RORA: variants seen among roughly 807,000 people sequenced by gnomAD.
RORA encodes RAR related orphan receptor A.
RORA carries 7 observed loss-of-function variants against 69.5 expected under a neutral mutation model. The ratio of observed to expected loss-of-function variants is 0.10; its 90% CI spans 0.06 to 0.19. The LOEUF is 0.19. Ranked by LOEUF, RORA falls within the 10% of genes least tolerant of loss-of-function variation. The pLI, the probability that RORA is intolerant of heterozygous loss-of-function variation, is 1.00. For missense variants in RORA, 457 were observed against 663.0 expected, an observed-to-expected ratio of 0.69 and a Z score of 3.41; for synonymous variants, 261 against 240.8, an observed-to-expected ratio of 1.08 and a Z score of -0.78.
intron 1 of RORA, among the ~76,000 whole-genome samples, chr15:60,929,304 T>C (rs1351107759): frequency 2.6e-5 from 4 of 152,188 alleles, no homozygotes; most frequent in African/African-American, 9.7e-5. Context: ...TCAAAATTTA[T>C]CTTTCACAGG....
chr15:60,675,071 G>C (rs577121981), intron 2 of RORA, among the ~76,000 whole-genome samples: 1 of 152,280 alleles, frequency 6.6e-6, no homozygotes, highest in East Asian at 1.9e-4. Context: ...TAGCTGGAAA[G>C]AGCTAGGATG....
intron 2 of RORA, among the ~76,000 whole-genome samples, chr15:60,604,251 A>C (rs911095237): frequency 1.3e-5 from 2 of 152,140 alleles, no homozygotes; most frequent in African/African-American, 4.8e-5. Flanking sequence ...CATCACCTCA[A>C]TGGACCTCAG....
chr15:60,982,911 CTTG>C (rs1425312834), intron 1 of RORA, among the ~76,000 whole-genome samples: 1 of 152,004 alleles, frequency 6.6e-6, no homozygotes, highest in Non-Finnish European at 1.5e-5. Context: ...TCTGACATTA[CTTG>C]TTGTTTTGTT....
At chr15:61,094,417 C>G (rs758330461) in intron 1 of RORA, among the ~76,000 whole-genome samples, 1 of 152,144 alleles carries the variant, frequency 6.6e-6, no homozygotes, top group Non-Finnish European at 1.5e-5. Flanking sequence ...TAGTAGGTAT[C>G]TCAGCTGTTG....
At chr15:60,573,577 G>A (rs907223716) in intron 2 of RORA, among the ~76,000 whole-genome samples, 1 of 152,192 alleles carries the variant, frequency 6.6e-6, no homozygotes, top group Non-Finnish European at 1.5e-5. Flanking sequence ...AACTCCCGTA[G>A]AATGAGGGTG....
intron 2 of RORA, among the ~76,000 whole-genome samples, chr15:60,635,599 A>G (rs1453264231): frequency 6.6e-6 from 1 of 152,302 alleles, no homozygotes; most frequent in African/African-American, 2.4e-5. Flanking sequence ...TGCCATCAAA[A>G]TGGAACTCCA....
chr15:60,721,907 T>A (rs996526938), intron 1 of RORA, among the ~76,000 whole-genome samples: 15 of 152,382 alleles, frequency 9.8e-5, no homozygotes, highest in Non-Finnish European at 1.9e-4. Flanking sequence ...GTGACTCATT[T>A]TACTCAAGGA....
intron 1 of RORA, among the ~76,000 whole-genome samples, chr15:61,025,609 T>C (rs914009687): frequency 6.6e-6 from 1 of 152,306 alleles, no homozygotes; most frequent in East Asian, 1.9e-4. Flanking sequence ...GGACATAAGT[T>C]CGTAAAAGCT....
chr15:60,826,324 C>T (rs2072955768), intron 1 of RORA, among the ~76,000 whole-genome samples: 1 of 152,186 alleles, frequency 6.6e-6, no homozygotes, highest in African/African-American at 2.4e-5. Flanking sequence ...GTATTTTCCA[C>T]ACCTGACCTG....
intron 1 of RORA, chr15:61,212,057 C>G (rs2079997115): frequency 6.6e-6 from 1 of 152,170 alleles, no homozygotes; most frequent in East Asian, 1.9e-4. Flanking sequence ...CTTTGAAGAT[C>G]TCACCCCCTT....
intron 1 of RORA, among the ~76,000 whole-genome samples, chr15:60,773,104 A>AAAC (rs1339648390): frequency 1.3e-5 from 2 of 152,176 alleles, no homozygotes; most frequent in Non-Finnish European, 2.9e-5. Context: ...TGCTTTCTGA[A>AAAC]AACCTCCCTT....
At chr15:60,659,718 A>T (rs7165985) in intron 2 of RORA, among the ~76,000 whole-genome samples, 26,493 of 152,144 alleles carry the variant, frequency 0.17, 2,549 homozygotes, top group African/African-American at 0.25. Context: ...CATCTGATAA[A>T]TCACAGACAA....
At chr15:60,996,938 C>T (rs1178739826) in intron 1 of RORA, among the ~76,000 whole-genome samples, 1 of 151,708 alleles carries the variant, frequency 6.6e-6, no homozygotes, top group Non-Finnish European at 1.5e-5. Flanking sequence ...TTCAAAAGAA[C>T]CTAACGTAAT....
At chr15:61,220,514 T>G (rs182151418) in intron 1 of RORA, among the ~76,000 whole-genome samples, 143 of 152,334 alleles carry the variant, frequency 9.4e-4, no homozygotes, top group African/African-American at 3.3e-3. Flanking sequence ...ATGACTGGCA[T>G]CGATCATATG....
At chr15:60,650,956 A>C (rs957600964) in intron 2 of RORA, among the ~76,000 whole-genome samples, 1 of 152,166 alleles carries the variant, frequency 6.6e-6, no homozygotes, top group Admixed American at 6.5e-5. Context: ...AATACATAGA[A>C]AAGCTAAGAT....
Position 61,229,070 on chromosome 15 carries a change from T to G in RORA, c.149A>C (p.Tyr50Ser). The part of the protein sequence containing the change: ...EPPAPVRRQS[Y>S]SSTSRGISVT... Reference sequence around the variant, plus strand: ...CCTCCTACCTCTGCTGGTGCTGGAATAGCTCTGTCTGCGCACCGGGGCAGG... The same window carrying G: ...CCTCCTACCTCTGCTGGTGCTGGAAGAGCTCTGTCTGCGCACCGGGGCAGG... Residue 50 changes from tyrosine (Y) to serine (S), a missense_variant, in exon 1 of 11, where the codon TAT becomes TCT. By Grantham distance (144) the Tyr-to-Ser change is moderately radical (BLOSUM62 -2). Coordinates refer to ENST00000335670, the MANE Select transcript of RORA (RefSeq NM_134261.3). The G allele has an allele frequency of 6.5e-7, 1 of 1,533,478 alleles. No individual in the cohort carries two copies. Among genetic ancestry groups the G allele is most frequent in the South Asian group, 1.2e-5 (1 of 83,464 alleles). 95.0% of individuals were successfully genotyped at this position (1,533,478 alleles called of 1,614,324 possible).
chr15:61,091,021 G>A (rs1718358976), intron 1 of RORA, among the ~76,000 whole-genome samples: 1 of 152,128 alleles, frequency 6.6e-6, no homozygotes, highest in Admixed American at 6.5e-5. Flanking sequence ...GATTTACAAG[G>A]TAACATCTGC....
intron 2 of RORA, among the ~76,000 whole-genome samples, chr15:60,578,848 C>G (rs2068105542): frequency 6.6e-6 from 1 of 150,920 alleles, no homozygotes; most frequent in African/African-American, 2.4e-5. Context: ...ACTGCAAGCT[C>G]CACCTCCCAG....
At chr15:60,844,813 C>A (rs911152392) in intron 1 of RORA, among the ~76,000 whole-genome samples, 1 of 152,138 alleles carries the variant, frequency 6.6e-6, no homozygotes, top group Admixed American at 6.5e-5. Flanking sequence ...GCTATTGGCT[C>A]CAGGGCTACA....
Sources: gnomAD v4.1 joint callset for allele counts (sites outside exome capture counted in the v4.1 genomes callset) on GRCh38, gnomAD v4.1.1 for gene constraint, MANE v1.5 for transcripts, NCBI Gene and HGNC (gene_info 2026-07-23, HGNC 2026-07-21) for gene names.